The following TYRO3 variants were observed in gnomAD, a reference collection of about 807,000 sequenced individuals.
The protein encoded by TYRO3 is tyrosine-protein kinase receptor TYRO3.
Under a neutral mutation model 95.2 loss-of-function variants are expected in TYRO3, and 38 were observed. The observed-to-expected ratio is 0.40, with a 90% CI of 0.31 to 0.52. The LOEUF is 0.52. TYRO3 is among the 20% of genes least tolerant of loss of function. The pLI is 0.56. For missense variants in TYRO3, 812 were observed against 1,116.4 expected, an observed-to-expected ratio of 0.73 and a Z score of 3.89; for synonymous variants, 367 against 432.9, an observed-to-expected ratio of 0.85 and a Z score of 1.89.
Position 41,561,261 on chromosome 15 carries a change from G to T in TYRO3, c.259G>T (p.Asp87Tyr). 1 of 1,614,156 alleles carries T rather than the reference G, an allele frequency of 6.2e-7. No homozygotes were observed. The highest frequency in any genetic ancestry group is 1.1e-5 in the South Asian group (1 of 91,060). The change falls in exon 2 of 19, where the codon GAC becomes TAC. Residue 87 changes from aspartate (D) to tyrosine (Y), a missense_variant. Physicochemically the swap from Asp to Tyr is radical, Grantham distance 160. Transcript: ENST00000263798. Reference protein sequence around the residue: ...VKDGAVVQNLDQLYIPVSEQH... With the variant: ...VKDGAVVQNLYQLYIPVSEQH... ...GGATGGGGCTGTGGTCCAGAACTTG[G>T]ACCAGTTGTACATCCCAGTCAGCGA...
intron 3 of TYRO3, chr15:41,562,314 C>T (rs938954393): frequency 1.7e-5 from 6 of 355,446 alleles, no homozygotes; most frequent in Non-Finnish European, 2.9e-5. Flanking sequence ...ATAGAGAGAC[C>T]TCCCCGCGAC....
chr15:41,574,805 A>T (rs2588324), intron 18 of TYRO3: 1 of 450,686 alleles, frequency 2.2e-6, no homozygotes, highest in South Asian at 1.6e-5. Context: ...CTGCAGCCTC[A>T]ACCTCCTGGG....
intron 7 of TYRO3, 115 bp from the exon 8 acceptor site, chr15:41,568,102 C>T: frequency 7.1e-7 from 1 of 1,407,538 alleles, no homozygotes; most frequent in Non-Finnish European, 9.8e-7. Flanking sequence ...GAACCCTTCC[C>T]CAGTTTGTGC....
chr15:41,563,752 A>AACT (rs1174135424), intron 4 of TYRO3, among the ~76,000 whole-genome samples: 3 of 152,338 alleles, frequency 2.0e-5, no homozygotes, highest in African/African-American at 7.2e-5. Flanking sequence ...AAGAGCTGAG[A>AACT]ACTACTGCAA....
rs751861598 is a variant in TYRO3, at chr15:41,561,323, G to C, written c.308+13G>C. 2.5e-6 allele frequency: 4 copies of C among 1,604,336 alleles called. No homozygotes were observed. In the African/African-American group the frequency reaches 4.0e-5, roughly 16 times the overall value. ...TCGGCTTCCTCAGGTGCAGGCCTGTGGGGGAAGGTGTGGGCTGCCAGCCAG... is the reference window on the plus strand; with the variant it reads ...TCGGCTTCCTCAGGTGCAGGCCTGTCGGGGAAGGTGTGGGCTGCCAGCCAG... On this transcript the variant is annotated intron_variant, in intron 2 of 18. Coordinates refer to ENST00000263798, the MANE Select transcript of TYRO3 (RefSeq NM_006293.4).
At chr15:41,560,428 T>TGTGTGTGTGCGTGCGC (rs1408766845) in intron 1 of TYRO3, among the ~76,000 whole-genome samples, 1 of 135,256 alleles carries the variant, frequency 7.4e-6, no homozygotes, top group Non-Finnish European at 1.6e-5. Context: ...TGTGTGTGTG[T>TGTGTGTGTGCGTGCGC]GCGCGCGCGC....
Position 41,565,113 on chromosome 15 carries a change from G to A in TYRO3, c.755G>A (p.Arg252Gln), listed in dbSNP as rs770597987. ...SVAWMPGADG[R>Q]ALLQSCTVQV... is the part of the protein sequence containing the mutation. ...GCCTGGATGCCAGGTGCTGATGGCC[G>A]AGCTCTGCTACAGTCCTGTACAGTT... Residue 252 changes from arginine (R) to glutamine (Q), a missense_variant, in exon 6 of 19, where the codon CGA becomes CAA. Arg to Gln is a conservative substitution (Grantham distance 43, BLOSUM62 1). Transcript: ENST00000263798. The A allele has an allele frequency of 6.8e-6, 11 of 1,612,818 alleles. No homozygotes were observed. The South Asian group carries it at 8.8e-5, about 13-fold the overall frequency.
chr15:41,570,456 A>G (rs2055781243), intron 11 of TYRO3, 116 bp downstream of exon 11: 2 of 1,386,140 alleles, frequency 1.4e-6, no homozygotes, highest in African/African-American at 1.4e-5. Context: ...CCCCAGGCAC[A>G]CAAATCTGCC....
rs375507876 is a variant in TYRO3, at chr15:41,564,202, T to C, written c.599T>C (p.Met200Thr). Residue 200 changes from methionine (M) to threonine (T), a missense_variant, in exon 5 of 19, where the codon ATG becomes ACG. Physicochemically the swap from Met to Thr is moderately conservative, Grantham distance 81. Coordinates refer to ENST00000263798, the MANE Select transcript of TYRO3 (RefSeq NM_006293.4). The part of the protein sequence containing the change: ...LNVTGVTQST[M>T]FSCEAHNLKG... ...GCCCCAGGGGTGACCCAGAGCACCA[T>C]GTTTTCCTGTGAAGCTCACAACCTA... The C allele has an allele frequency of 2.5e-6, 4 of 1,614,072 alleles. No homozygotes were observed. Among genetic ancestry groups the C allele is most frequent in the Non-Finnish European group, 3.4e-6 (4 of 1,179,986 alleles).
chr15:41,560,393 ATGTGTG>A (rs369495054), intron 1 of TYRO3, among the ~76,000 whole-genome samples: 95 of 120,492 alleles, frequency 7.9e-4, no homozygotes, highest in African/African-American at 2.1e-3. Context: ...AGGTGCGTGT[ATGTGTG>A]TGTGTGTGTG....
At chr15:41,564,383 C>T (rs1248230826) in intron 5 of TYRO3, 113 bp downstream of exon 5, 11 of 1,070,526 alleles carry the variant, frequency 1.0e-5, no homozygotes, top group Non-Finnish European at 1.5e-5. Context: ...CTGCTGGGAT[C>T]TAGGGAGCAA....
At chr15:41,568,830 G>A (rs752317099) in intron 8 of TYRO3, 48 bp from the exon 9 acceptor site, 1 of 1,590,810 alleles carries the variant, frequency 6.3e-7, no homozygotes, top group Middle Eastern at 2.3e-4. Context: ...CCAGCTGGAG[G>A]CCTTCTCCCC....
chr15:41,578,596 G>A lies in TYRO3; in HGVS notation c.*320G>A, dbSNP rs1483781337. ...ACCATGGGTGTGGATGGCAGTGTGG[G>A]GAGGGCAGGTCCAGCTCTGTGGGCC... On this transcript the variant is annotated 3_prime_UTR_variant, in exon 19 of 19. Coordinates refer to ENST00000263798, the MANE Select transcript of TYRO3 (RefSeq NM_006293.4). The A allele has an allele frequency of 2.3e-6, 1 of 427,242 alleles. No homozygotes were observed. The highest frequency in any genetic ancestry group is 4.2e-6 in the Non-Finnish European group (1 of 236,780). The allele number at this position is 427,242 out of a possible 1,614,324, so 26.5% of individuals were successfully genotyped here.
Position 41,578,585 on chromosome 15 carries a change from T to C in TYRO3, c.*309T>C, listed in dbSNP as rs888589172. On this transcript the variant is annotated 3_prime_UTR_variant, in exon 19 of 19. Coordinates refer to ENST00000263798, the MANE Select transcript of TYRO3 (RefSeq NM_006293.4). ...TTTCCATGGTTACCATGGGTGTGGA[T>C]GGCAGTGTGGGGAGGGCAGGTCCAG... The C allele has an allele frequency of 4.5e-6, 2 of 442,236 alleles. No homozygotes were observed. The highest frequency in any genetic ancestry group is 8.1e-6 in the Non-Finnish European group (2 of 245,640). 27.4% of individuals were successfully genotyped at this position (442,236 alleles called of 1,614,324 possible).
In TYRO3 at chr15:41,569,565, G is replaced by A. The variant is rs117904960; in HGVS notation, c.1253-462G>A. Among the ~76,000 whole-genome samples, 775 of 152,258 alleles carry A rather than the reference G, an allele frequency of 5.1e-3. 5 individuals carry two copies. Among genetic ancestry groups the A allele is most frequent in the Non-Finnish European group, 7.2e-3 (487 of 68,022 alleles). Reference sequence around the variant, plus strand: ...GTGGAAGGATTGCTTGAGTCTAGGAGTTTGAGACCACCTTGGGCAGCAAAG... The same window carrying A: ...GTGGAAGGATTGCTTGAGTCTAGGAATTTGAGACCACCTTGGGCAGCAAAG... On this transcript the variant is annotated intron_variant, in intron 9 of 18. Transcript: ENST00000263798.
In TYRO3 at chr15:41,561,617, G is replaced by A. The variant is rs748497162; in HGVS notation, c.387G>A (p.Gln129=). ...ATGGGGGTGAAACCGAGATCTCCCAGCCAGTGTGGCTCACGGTAGAAGGTG... is the reference window on the plus strand; with the variant it reads ...ATGGGGGTGAAACCGAGATCTCCCAACCAGTGTGGCTCACGGTAGAAGGTG... ...VEDGGETEIS[Q]PVWLTVEGVP... Residue 129 remains glutamine, a synonymous_variant, in exon 3 of 19, where the codon CAG becomes CAA. Coordinates refer to ENST00000263798, the MANE Select transcript of TYRO3 (RefSeq NM_006293.4). The A allele has an allele frequency of 1.3e-6, 2 of 1,590,720 alleles. No homozygotes were observed. The highest frequency in any genetic ancestry group is 4.6e-5 in the East Asian group (2 of 43,254).
At chr15:41,567,281 G>A (rs1006614422) in intron 6 of TYRO3, 79 bp from the exon 7 acceptor site, 33 of 1,241,926 alleles carry the variant, frequency 2.7e-5, no homozygotes, top group Non-Finnish European at 3.2e-5. Flanking sequence ...ATTCATTCAA[G>A]CACCCATAAC....
intron 9 of TYRO3, among the ~76,000 whole-genome samples, 156 bp downstream of exon 9, chr15:41,569,178 C>CTGGG (rs2055763747): frequency 6.6e-6 from 1 of 151,756 alleles, no homozygotes; most frequent in Admixed American, 6.6e-5. Context: ...ACTATCTTGG[C>CTGGG]TGGGCATGGT....
Position 41,570,628 on chromosome 15 carries a change from A to T in TYRO3, c.1508A>T (p.Glu503Val). ...ATLDSLGISD[E>V]LKEKLEDVLI... ...GTGGACAGCTTGGGCATCAGCGATG[A>T]ACTAAAGGAAAAACTGGAGGATGTG... The change falls in exon 12 of 19, where the codon GAA (glutamate) becomes GTA (valine). Residue 503 changes from glutamate (E) to valine (V), a missense_variant. Glu to Val is a moderately radical substitution (Grantham distance 121). Transcript: ENST00000263798. The T allele has an allele frequency of 6.2e-7, 1 of 1,614,192 alleles. No individual in the cohort carries two copies. Among genetic ancestry groups the T allele is most frequent in the South Asian group, 1.1e-5 (1 of 91,080 alleles).
Sources: allele counts gnomAD v4.1 joint callset (sites outside exome capture counted in the v4.1 genomes callset), GRCh38; gene constraint gnomAD v4.1.1; transcripts MANE v1.5; gene names NCBI Gene and HGNC (gene_info 2026-07-23, HGNC 2026-07-21).